REPS2: variants seen among roughly 807,000 people sequenced by gnomAD.
REPS2 encodes the protein RALBP1 associated Eps domain containing 2, also known as ralBP1-associated Eps domain-containing protein 2.
REPS2 carries 23 observed loss-of-function variants against 53.6 expected under a neutral mutation model. The observed-to-expected ratio is 0.43, with a 90% CI of 0.31 to 0.61. The LOEUF (loss-of-function observed/expected upper bound fraction) is 0.61, where lower values mean the gene tolerates loss of function less well. REPS2 is among the 20% of genes least tolerant of loss of function. The probability of loss-of-function intolerance (pLI) is 0.11; values close to 1 mark genes in which losing one functional copy is unlikely to be tolerated. For missense variants in REPS2, 446 were observed against 534.9 expected (o/e 0.83, Z 1.64); for synonymous variants, 238 against 218.6 (o/e 1.09, Z -0.78).
chrX:17,008,237 C>T (rs1403372969), intron 2 of REPS2, among the ~76,000 whole-genome samples: 2 of 112,432 alleles, frequency 1.8e-5, no homozygotes, highest in Admixed American at 1.9e-4. Flanking sequence ...GTTTTTATTC[C>T]ATTGTAAATG....
At chrX:16,993,827 A>AGG in intron 1 of REPS2, among the ~76,000 whole-genome samples, 1 of 112,739 alleles carries the variant, frequency 8.9e-6, no homozygotes, top group Admixed American at 9.4e-5. Flanking sequence ...TCCTCTATAA[A>AGG]ACCCAGGATT....
chrX:17,016,760 CTTTTTTTTTTTTT>C (rs139092298), intron 2 of REPS2, among the ~76,000 whole-genome samples: 4 of 63,665 alleles, frequency 6.3e-5, no homozygotes, highest in African/African-American at 1.2e-4. Flanking sequence ...TTTCTTTTTT[CTTTTTTTTTTTTT>C]TTTTTTTTGC....
At chrX:17,176,012 A>C in the REPS2 span, among the ~76,000 whole-genome samples, 2 of 112,386 alleles carry the variant, frequency 1.8e-5, no homozygotes, top group African/African-American at 6.5e-5. Context: ...AGGATGGGGA[A>C]TACATCTAGC....
In REPS2 at chrX:17,134,243, C is replaced by A. The variant is rs181899917; in HGVS notation, c.1662+336C>A. Among the ~76,000 whole-genome samples, 44 of 111,887 alleles carry A rather than the reference C, an allele frequency of 3.9e-4. No homozygotes were observed. The Admixed American group carries it at 4.1e-3, about 10-fold the overall frequency. On this transcript the variant is annotated intron_variant, in intron 15 of 17. Transcript: ENST00000357277. ...TCCACCTGCTAAGCCTCTGTGAATA[C>A]CTCTTGGGGTGGGGTAGTCTCTCCT...
intron 2 of REPS2, among the ~76,000 whole-genome samples, chrX:17,021,164 T>A (rs1254175358): frequency 8.9e-6 from 1 of 112,328 alleles, no homozygotes; most frequent in East Asian, 2.8e-4. Context: ...TCCTGAACAA[T>A]GGATACAGAT....
At chrX:16,973,046 C>G (rs2060913747) in intron 1 of REPS2, among the ~76,000 whole-genome samples, 1 of 111,700 alleles carries the variant, frequency 9.0e-6, no homozygotes, top group Non-Finnish European at 1.9e-5. Flanking sequence ...GTAATAATTT[C>G]TTAATCTTTA....
At chrX:16,980,558 A>G (rs2061009740) in intron 1 of REPS2, among the ~76,000 whole-genome samples, 1 of 111,722 alleles carries the variant, frequency 9.0e-6, no homozygotes, top group South Asian at 3.7e-4. Context: ...GCCTCGGCCA[A>G]AATGCTGGGA....
At chrX:17,117,075 A>C (rs1002757184) in intron 14 of REPS2, among the ~76,000 whole-genome samples, 1 of 111,224 alleles carries the variant, frequency 9.0e-6, no homozygotes, top group African/African-American at 3.3e-5. Flanking sequence ...GATGGCACCC[A>C]ATGGTGCTTA....
the REPS2 span, among the ~76,000 whole-genome samples, chrX:17,186,357 T>C: frequency 8.9e-6 from 1 of 112,562 alleles, no homozygotes; most frequent in African/African-American, 3.2e-5. Context: ...ATTGAGCAAT[T>C]CAAATGTGTG....
At chrX:17,011,657 T>A (rs2061431028) in intron 2 of REPS2, among the ~76,000 whole-genome samples, 1 of 112,516 alleles carries the variant, frequency 8.9e-6, no homozygotes, top group African/African-American at 3.2e-5. Flanking sequence ...TTCTCATGCC[T>A]GTAATCCCAG....
rs1336602394 is a variant in REPS2, at chrX:17,073,621, A to G, written c.1334-493A>G. 3.6e-5 allele frequency among the ~76,000 whole-genome samples: 4 copies of G among 110,222 alleles called. No homozygotes were observed. In the East Asian group the frequency reaches 1.1e-3, roughly 31 times the overall value. ...AGGAGAAGCTGTATAGCTCATTTCC[A>G]CTTACTTGTGAGAGCTTTGTTTTTT... is the stretch of plus-strand genomic sequence containing the variant. On this transcript the variant is annotated intron_variant, in intron 11 of 17. Coordinates refer to ENST00000357277, the MANE Select transcript of REPS2 (RefSeq NM_004726.3).
chrX:17,100,006 C>G, intron 13 of REPS2: 1 of 1,156,402 alleles, frequency 8.6e-7, no homozygotes, highest in Non-Finnish European at 1.2e-6. Context: ...TTTTCTGACT[C>G]TTCTTTCTTC....
chrX:16,966,260 T>G (rs986187439), intron 1 of REPS2, among the ~76,000 whole-genome samples: 4 of 112,547 alleles, frequency 3.6e-5, no homozygotes, highest in Admixed American at 1.9e-4. Flanking sequence ...TCCCTGCTAC[T>G]GAAATGAAAT....
intron 12 of REPS2, chrX:17,074,509 A>G (rs1305173894): frequency 1.9e-5 from 3 of 158,662 alleles, no homozygotes; most frequent in Non-Finnish European, 3.6e-5. Context: ...ATTTGCTATC[A>G]TGACAAGGTG....
downstream of REPS2, among the ~76,000 whole-genome samples, chrX:17,155,897 CTG>C (rs2063609755): frequency 9.0e-6 from 1 of 111,606 alleles, no homozygotes; most frequent in African/African-American, 3.3e-5. Flanking sequence ...CCTGAGATGA[CTG>C]AGAGGTGCAG....
Position 16,975,459 on chromosome X carries a change from A to G in REPS2, c.273+28325A>G, listed in dbSNP as rs749490187. On this transcript the variant is annotated intron_variant, in intron 1 of 17. Coordinates refer to ENST00000357277, the MANE Select transcript of REPS2 (RefSeq NM_004726.3). ...TTGTGGTTTTGATTTGCATTTCTCT[A>G]ATGATCAGTGATGTTGTGGTTTTTT... Among the ~76,000 whole-genome samples, 3 of 111,461 alleles carry G rather than the reference A, an allele frequency of 2.7e-5. No homozygotes were observed. The South Asian group carries it at 1.1e-3, about 42-fold the overall frequency.
the REPS2 span, among the ~76,000 whole-genome samples, chrX:17,162,418 G>C: frequency 1.8e-5 from 2 of 112,732 alleles, no homozygotes; most frequent in Non-Finnish European, 3.8e-5. Context: ...GCCTTGAAAA[G>C]CTGTCACATA....
chrX:17,119,609 A>C (rs922591269), intron 14 of REPS2, among the ~76,000 whole-genome samples: 1 of 111,627 alleles, frequency 9.0e-6, no homozygotes. Context: ...TCACCCTCTC[A>C]CAGCAGTCAT....
intron 5 of REPS2, among the ~76,000 whole-genome samples, chrX:17,045,948 GGT>G (rs369872429): frequency 0.025 from 2,725 of 108,486 alleles, 96 homozygotes; most frequent in African/African-American, 0.088. Flanking sequence ...TTCCTGGAAT[GGT>G]GTGTGTGTGT....
Sources: gnomAD v4.1 joint callset for allele counts (sites outside exome capture counted in the v4.1 genomes callset) on GRCh38, gnomAD v4.1.1 for gene constraint, MANE v1.5 for transcripts, NCBI Gene and HGNC (gene_info 2026-07-23, HGNC 2026-07-21) for gene names.